ARIH2: variants seen among roughly 807,000 people sequenced by gnomAD.
The protein encoded by ARIH2 is ariadne RBR E3 ubiquitin protein ligase 2, also known as E3 ubiquitin-protein ligase ARIH2.
ARIH2 carries 12 observed loss-of-function variants against 79.8 expected under a neutral mutation model. The ratio of observed to expected loss-of-function variants is 0.15; its 90% CI spans 0.10 to 0.24. The LOEUF (loss-of-function observed/expected upper bound fraction) is 0.24, where lower values mean the gene tolerates loss of function less well. Ranked by LOEUF, ARIH2 falls within the 10% of genes least tolerant of loss-of-function variation. The probability of loss-of-function intolerance (pLI) is 1.00; values close to 1 mark genes in which losing one functional copy is unlikely to be tolerated. For synonymous variants in ARIH2, 224 were observed against 213.9 expected, an observed-to-expected ratio of 1.05 and a Z score of -0.41; for missense variants, 301 against 618.3, an observed-to-expected ratio of 0.49 and a Z score of 5.44.
chr3:48,923,856 G>A (rs2085191362), intron 2 of ARIH2, among the ~76,000 whole-genome samples: 1 of 152,164 alleles, frequency 6.6e-6, no homozygotes, highest in African/African-American at 2.4e-5. Flanking sequence ...ACTGTAGGCT[G>A]GGCACAGTGG....
intron 5 of ARIH2, among the ~76,000 whole-genome samples, chr3:48,966,848 A>T (rs764693070): frequency 3.9e-5 from 6 of 152,214 alleles, no homozygotes; most frequent in Non-Finnish European, 7.3e-5. Context: ...TCAGTCTGCC[A>T]TTATAAACCA....
At chr3:48,954,205 G>A (rs1008132359) in intron 3 of ARIH2, among the ~76,000 whole-genome samples, 3 of 150,734 alleles carry the variant, frequency 2.0e-5, no homozygotes, top group African/African-American at 2.4e-5. Flanking sequence ...CCTGTAATCC[G>A]AGCACTTTGG....
chr3:48,941,593 CTTT>C (rs1421452514), intron 3 of ARIH2, among the ~76,000 whole-genome samples: 7 of 135,634 alleles, frequency 5.2e-5, no homozygotes, highest in Admixed American at 7.4e-5. Flanking sequence ...CTTTTCTTTT[CTTT>C]TTTTTTTTTT....
chr3:48,962,539 C>T (rs889553431), intron 4 of ARIH2, among the ~76,000 whole-genome samples: 5 of 152,192 alleles, frequency 3.3e-5, no homozygotes, highest in Admixed American at 6.5e-5. Context: ...GGGGCACCTC[C>T]TCCTCTGCAT....
At chr3:48,945,229 C>A in intron 3 of ARIH2, 1 of 1,284,474 alleles carries the variant, frequency 7.8e-7, no homozygotes, top group Non-Finnish European at 1.0e-6. Flanking sequence ...TGCTGGATTT[C>A]TTTTTTCTGG....
chr3:48,934,731 G>C (rs2086879690), intron 3 of ARIH2: 1 of 985,300 alleles, frequency 1.0e-6, no homozygotes, highest in Non-Finnish European at 1.2e-6. Flanking sequence ...GTGACATTGA[G>C]AATGGCCTAA....
rs370884522 is a variant in ARIH2 at position 48,920,987 on chromosome 3, C to G, written c.-161-1761C>G. Among the ~76,000 whole-genome samples the G allele has an allele frequency of 2.7e-5, 2 of 74,038 alleles. 1 individual carries two copies. The highest frequency in any genetic ancestry group is 2.5e-3 in the South Asian group (2 of 794). 48.6% of individuals were successfully genotyped at this position (74,038 alleles called of 152,430 possible). Reference sequence around the variant, plus strand: ...TTTATTTATTTTTATTTTTGAGTCCCGCTCTGTCTCTCAGGCTGGAGTGCA... The same window carrying G: ...TTTATTTATTTTTATTTTTGAGTCCGGCTCTGTCTCTCAGGCTGGAGTGCA... On this transcript the variant is annotated intron_variant, in intron 1 of 15. Transcript: ENST00000356401.
At chr3:48,933,540 A>AT (rs1421247259) in intron 3 of ARIH2, among the ~76,000 whole-genome samples, 4 of 137,042 alleles carry the variant, frequency 2.9e-5, no homozygotes, top group African/African-American at 1.1e-4. Flanking sequence ...TATATTGCTC[A>AT]CTTTTTTTTT....
At chr3:48,970,752 C>T in intron 8 of ARIH2, 48 bp downstream of exon 8, 3 of 1,424,374 alleles carry the variant, frequency 2.1e-6, no homozygotes, top group Non-Finnish European at 3.0e-6. Context: ...ATGCCCCATC[C>T]TCCAAAGCAC....
chr3:48,948,874 AG>A (rs893103895), intron 3 of ARIH2, among the ~76,000 whole-genome samples: 1 of 152,168 alleles, frequency 6.6e-6, no homozygotes, highest in African/African-American at 2.4e-5. Context: ...ATCATGCATC[AG>A]TAGTGTGTTC....
In ARIH2 at chr3:48,918,981, G is replaced by A; in HGVS notation, c.-179G>A. On this transcript the variant is annotated 5_prime_UTR_variant, in exon 1 of 16. Transcript: ENST00000356401. ...TCTGGCTTGTTCGGGCTCAGCGGCC[G>A]CGAGGCCGCAGCTCCCGGTAAGTGC... 1 of 1,458,062 alleles carries A rather than the reference G, an allele frequency of 6.9e-7. No individual in the cohort carries two copies. The highest frequency in any genetic ancestry group is 9.0e-7 in the Non-Finnish European group (1 of 1,111,944). The allele number at this position is 1,458,062 out of a possible 1,614,324, so 90.3% of individuals were successfully genotyped here. A position where few individuals can be genotyped will look rare whatever the true frequency, so the allele number is the denominator to read the frequency against.
At chr3:48,940,808 A>ATATAT (rs1553702241) in intron 3 of ARIH2, among the ~76,000 whole-genome samples, 1,812 of 97,992 alleles carry the variant, frequency 0.018, 29 homozygotes, top group Non-Finnish European at 0.027. Context: ...AAAAAAAAAA[A>ATATAT]ATATATATAT....
chr3:48,944,415 T>A (rs1026391554), intron 3 of ARIH2, among the ~76,000 whole-genome samples: 2 of 152,136 alleles, frequency 1.3e-5, no homozygotes, highest in Non-Finnish European at 2.9e-5. Flanking sequence ...ATGATTGGAG[T>A]CCATAGCAAT....
chr3:48,931,324 T>A (rs887525355), intron 3 of ARIH2, among the ~76,000 whole-genome samples: 1 of 152,008 alleles, frequency 6.6e-6, no homozygotes, highest in African/African-American at 2.4e-5. Flanking sequence ...GGCGGGTGGA[T>A]CACGAGGTCA....
chr3:48,965,402 T>C (rs2091687567), intron 5 of ARIH2, among the ~76,000 whole-genome samples: 1 of 152,152 alleles, frequency 6.6e-6, no homozygotes, highest in African/African-American at 2.4e-5. Context: ...TAGTTCAACA[T>C]GCCCACAATA....
At position 48,986,005 on chromosome 3, in the gene ARIH2, C is replaced by G. The variant is rs2092894024; in HGVS notation, c.*2735C>G. Reference sequence around the variant, plus strand: ...CAGAAACAAGTGTGGAGTCTAATCTCAAGGGTGAAGGACAGGAAATGAGGT... The same window carrying G: ...CAGAAACAAGTGTGGAGTCTAATCTGAAGGGTGAAGGACAGGAAATGAGGT... On this transcript the variant is annotated 3_prime_UTR_variant, in exon 16 of 16. Coordinates refer to ENST00000356401, the MANE Select transcript of ARIH2 (RefSeq NM_006321.4). The G allele has an allele frequency of 6.6e-6, 1 of 152,186 alleles. No homozygotes were observed. Among genetic ancestry groups the G allele is most frequent in the African/African-American group, 2.4e-5 (1 of 41,420 alleles). The allele number at this position is 152,186 out of a possible 1,614,324, so 9.4% of individuals were successfully genotyped here. A position where few individuals can be genotyped will look rare whatever the true frequency, so the allele number is the denominator to read the frequency against.
At chr3:48,959,714 C>G (rs1161027070) in intron 3 of ARIH2, among the ~76,000 whole-genome samples, 2 of 150,152 alleles carry the variant, frequency 1.3e-5, no homozygotes, top group Non-Finnish European at 3.0e-5. Context: ...GGGTCAGATG[C>G]CACTTACCTT....
At chr3:48,919,974 A>ATTTT (rs768780567) in intron 1 of ARIH2, among the ~76,000 whole-genome samples, 3 of 135,498 alleles carry the variant, frequency 2.2e-5, no homozygotes, top group African/African-American at 2.7e-5. Flanking sequence ...TCTGGAGGAA[A>ATTTT]TTTTTTTTTT....
At position 48,967,008 on chromosome 3, in the gene ARIH2, G is replaced by A. The variant is rs1048596780; in HGVS notation, c.388-117G>A. ...CTCAGAGTCCACACATTGCAGTTGA[G>A]CTCTGATACTTGTTGCAGGGTGAGG... On this transcript the variant is annotated intron_variant, in intron 5 of 15. Coordinates refer to ENST00000356401, the MANE Select transcript of ARIH2 (RefSeq NM_006321.4). 2.7e-6 allele frequency: 3 copies of A among 1,112,056 alleles called. No homozygotes were observed. In the African/African-American group the frequency reaches 4.7e-5, roughly 17 times the overall value. 68.9% of individuals were successfully genotyped at this position (1,112,056 alleles called of 1,614,324 possible). A position where few individuals can be genotyped will look rare whatever the true frequency, so the allele number is the denominator to read the frequency against.
Sources: gnomAD v4.1 joint callset for allele counts (sites outside exome capture counted in the v4.1 genomes callset) on GRCh38, gnomAD v4.1.1 for gene constraint, MANE v1.5 for transcripts, NCBI Gene and HGNC (gene_info 2026-07-23, HGNC 2026-07-21) for gene names.